FECH: variants seen among roughly 807,000 people sequenced by gnomAD.
The protein encoded by FECH is ferrochelatase, mitochondrial.
Under a neutral mutation model 56.9 loss-of-function variants are expected in FECH, and 40 were observed. The observed-to-expected ratio is 0.70, with a 90% confidence interval of 0.55 to 0.92. The LOEUF is 0.92. FECH is among the 40% of genes least tolerant of loss of function. The pLI is 0.00. For missense variants in FECH, 431 were observed against 529.1 expected (o/e 0.81, Z 1.82); for synonymous variants, 175 against 198.6 (o/e 0.88, Z 1.00).
chr18:57,546,829 C>T lies in FECH; in HGVS notation c.*3883G>A, dbSNP rs1203625328. Among the ~76,000 whole-genome samples the T allele has an allele frequency of 2.0e-5, 3 of 151,878 alleles. No individual in the cohort carries two copies. The highest frequency in any genetic ancestry group is 2.9e-5 in the Non-Finnish European group (2 of 67,990). ...CAAAAATTAGCCGGGCATGGTGGCA[C>T]ACGCCTGAGTAGCCCAGCTACTCCG... On this transcript the variant is annotated 3_prime_UTR_variant, in exon 11 of 11. Transcript: ENST00000262093.
intron 7 of FECH, among the ~76,000 whole-genome samples, chr18:57,555,987 G>A (rs2050862396): frequency 6.6e-6 from 1 of 152,276 alleles, no homozygotes; most frequent in East Asian, 1.9e-4. Flanking sequence ...AAATGAGCCT[G>A]GTGTGGTGGC....
intron 5 of FECH, among the ~76,000 whole-genome samples, chr18:57,563,967 C>G (rs1392842178): frequency 5.3e-5 from 8 of 152,188 alleles, no homozygotes; most frequent in Non-Finnish European, 7.3e-5. Context: ...CAACCTCCAA[C>G]TCTTGGGTTC....
At chr18:57,551,239 C>A (rs2050793351) in intron 10 of FECH, 76 bp downstream of exon 10, 5 of 1,110,934 alleles carry the variant, frequency 4.5e-6, no homozygotes, top group Admixed American at 1.8e-5. Flanking sequence ...GTGAGAAAAA[C>A]CAATATTCTG....
intron 1 of FECH, chr18:57,586,008 G>A (rs552626713): frequency 2.0e-5 from 3 of 153,700 alleles, no homozygotes; most frequent in Non-Finnish European, 4.4e-5. Context: ...GTGGGAGGCT[G>A]TTCCTGGGTC....
chr18:57,569,557 G>A (rs1257984148), intron 4 of FECH, among the ~76,000 whole-genome samples: 1 of 152,212 alleles, frequency 6.6e-6, no homozygotes, highest in Non-Finnish European at 1.5e-5. Context: ...AGGTACCCCA[G>A]CAGCCTCACC....
intron 2 of FECH, among the ~76,000 whole-genome samples, chr18:57,579,245 C>CA (rs1314538554): frequency 6.6e-4 from 76 of 114,794 alleles, no homozygotes; most frequent in South Asian, 1.1e-3. Flanking sequence ...GAGACTCTCT[C>CA]AAAAAAAAAA....
intron 4 of FECH, 39 bp downstream of exon 4, chr18:57,571,353 G>T (rs1353001423): frequency 6.2e-7 from 1 of 1,602,710 alleles, no homozygotes; most frequent in East Asian, 2.2e-5. Context: ...TACTTCGAAA[G>T]AACTAATCTA....
At chr18:57,551,754 C>T (rs888116512) in intron 9 of FECH, among the ~76,000 whole-genome samples, 3 of 152,146 alleles carry the variant, frequency 2.0e-5, no homozygotes, top group Admixed American at 6.5e-5. Flanking sequence ...TAGAATGTTA[C>T]TGTAAATATA....
chr18:57,547,892 T>A lies in FECH; in HGVS notation c.*2820A>T, dbSNP rs900155238. Among the ~76,000 whole-genome samples, 1 of 152,132 alleles carries A rather than the reference T, an allele frequency of 6.6e-6. No individual in the cohort carries two copies. The highest frequency in any genetic ancestry group is 1.5e-5 in the Non-Finnish European group (1 of 68,004). ...ATCAAGCAATCCTCCAACCTTGGCCTTCCAAAGTATTGGAATTACACATGT... is the reference window on the plus strand; with the variant it reads ...ATCAAGCAATCCTCCAACCTTGGCCATCCAAAGTATTGGAATTACACATGT... On this transcript the variant is annotated 3_prime_UTR_variant, in exon 11 of 11. Coordinates refer to ENST00000262093, the MANE Select transcript of FECH (RefSeq NM_000140.5).
intron 3 of FECH, chr18:57,572,842 G>GAAGGGAAAGAAGGATGA (rs2051134076): frequency 5.8e-6 from 1 of 172,412 alleles, no homozygotes; most frequent in South Asian, 1.4e-4. Context: ...AGAGAAGGAA[G>GAAGGGAAAGAAGGATGA]AAGGGAAAGA....
Position 57,549,302 on chromosome 18 carries a change from T to G in FECH, c.*1410A>C, listed in dbSNP as rs1194672709. ...ATTCTGATTTAGATCAGTTTTGATT[T>G]AACAGACAGCATGAATCAAACTTAG... On this transcript the variant is annotated 3_prime_UTR_variant, in exon 11 of 11. Transcript: ENST00000262093. 1 of 152,102 alleles carries G rather than the reference T, an allele frequency of 6.6e-6. No individual in the cohort carries two copies. The highest frequency in any genetic ancestry group is 1.5e-5 in the Non-Finnish European group (1 of 68,018). 9.4% of individuals were successfully genotyped at this position (152,102 alleles called of 1,614,324 possible). A position where few individuals can be genotyped will look rare whatever the true frequency, so the allele number is the denominator to read the frequency against.
intron 7 of FECH, among the ~76,000 whole-genome samples, chr18:57,558,392 C>T (rs1475901528): frequency 1.3e-5 from 2 of 152,150 alleles, no homozygotes; most frequent in Non-Finnish European, 2.9e-5. Flanking sequence ...CCAACTTGAT[C>T]CTCTATATTC....
At chr18:57,572,808 G>C (rs1024814781) in intron 3 of FECH, among the ~76,000 whole-genome samples, 1 of 151,802 alleles carries the variant, frequency 6.6e-6, no homozygotes, top group African/African-American at 2.4e-5. Flanking sequence ...TTTCATAATA[G>C]AAATCTATTT....
intron 7 of FECH, among the ~76,000 whole-genome samples, chr18:57,558,300 A>G (rs559234837): frequency 1.3e-5 from 2 of 152,366 alleles, no homozygotes; most frequent in South Asian, 4.1e-4. Flanking sequence ...CTTGTTTCCA[A>G]CAATACAACA....
At chr18:57,574,863 C>T (rs1461724134) in intron 2 of FECH, among the ~76,000 whole-genome samples, 2 of 152,164 alleles carry the variant, frequency 1.3e-5, no homozygotes, top group African/African-American at 4.8e-5. Flanking sequence ...ACAAAATTCA[C>T]CATAATCTGA....
At chr18:57,561,405 T>C (rs1477302363) in intron 6 of FECH, among the ~76,000 whole-genome samples, 3 of 152,202 alleles carry the variant, frequency 2.0e-5, no homozygotes, top group Non-Finnish European at 2.9e-5. Context: ...ACAAATCATA[T>C]GGCTTGCAAC....
chr18:57,554,312 A>G lies in FECH; in HGVS notation c.1025T>C (p.Ile342Thr). The change falls in exon 9 of 11, where the codon ATT becomes ACT. Residue 342 changes from isoleucine (I) to threonine (T), a missense_variant. Physicochemically the swap from Ile to Thr is moderately conservative, Grantham distance 89. Coordinates refer to ENST00000262093, the MANE Select transcript of FECH (RefSeq NM_000140.5). ...LVPIAFTSDH[I>T]ETLYELDIEY... is the part of the protein sequence containing the mutation. Reference sequence around the variant, plus strand: ...GATGTCCAGCTCATACAGCGTTTCAATATGGTCACTGGTAAATGCTATCGG... The same window carrying G: ...GATGTCCAGCTCATACAGCGTTTCAGTATGGTCACTGGTAAATGCTATCGG... 3 of 1,614,238 alleles carry G rather than the reference A, an allele frequency of 1.9e-6. No homozygotes were observed. Among genetic ancestry groups the G allele is most frequent in the East Asian group, 2.2e-5 (1 of 44,892 alleles).
At chr18:57,572,956 A>C (rs900925707) in intron 3 of FECH, 1 of 413,192 alleles carries the variant, frequency 2.4e-6, no homozygotes, top group East Asian at 5.1e-5. Context: ...TGACAAGTAC[A>C]AATATATCTT....
At chr18:57,579,329 G>A (rs1458414505) in intron 2 of FECH, among the ~76,000 whole-genome samples, 1 of 146,440 alleles carries the variant, frequency 6.8e-6, no homozygotes, top group African/African-American at 2.5e-5. Context: ...ATTCATACCT[G>A]TATAATTTTC....
Sources: gnomAD v4.1 joint callset for allele counts (sites outside exome capture counted in the v4.1 genomes callset) on GRCh38, gnomAD v4.1.1 for gene constraint, MANE v1.5 for transcripts, NCBI Gene and HGNC (gene_info 2026-07-23, HGNC 2026-07-21) for gene names.